Variants in CSMD3 observed in about 807,000 individuals in gnomAD.
The protein encoded by CSMD3 is CUB and sushi domain-containing protein 3.
CSMD3 carries 177 observed loss-of-function variants against 435.2 expected under a neutral mutation model. The ratio of observed to expected loss-of-function variants is 0.41; its 90% CI spans 0.36 to 0.46. CSMD3 has a LOEUF of 0.46. CSMD3 is among the 20% of genes least tolerant of loss of function. CSMD3 has a pLI of 0.34. For synonymous variants in CSMD3, 1,656 were observed against 1,520.5 expected, an observed-to-expected ratio of 1.09 and a Z score of -2.07; for missense variants, 4,265 against 4,504.6, an observed-to-expected ratio of 0.95 and a Z score of 1.52.
intron 29 of CSMD3, among the ~76,000 whole-genome samples, chr8:112,505,473 T>A (rs1372315842): frequency 6.6e-6 from 1 of 152,118 alleles, no homozygotes; most frequent in East Asian, 1.9e-4. Context: ...GTTGGGAGAA[T>A]CACTAGAAAC....
chr8:112,575,790 T>A (rs1322326663), intron 23 of CSMD3, among the ~76,000 whole-genome samples: 1 of 152,110 alleles, frequency 6.6e-6, no homozygotes, highest in Non-Finnish European at 1.5e-5. Context: ...TGGCAAAATA[T>A]AACTTGTATG....
At chr8:113,152,397 A>G (rs1389847700) in intron 4 of CSMD3, among the ~76,000 whole-genome samples, 5 of 152,094 alleles carry the variant, frequency 3.3e-5, no homozygotes, top group African/African-American at 7.2e-5. Flanking sequence ...GGGGAGATGC[A>G]TAGAAATATG....
intron 3 of CSMD3, among the ~76,000 whole-genome samples, chr8:113,269,336 C>T (rs1376638305): frequency 6.6e-6 from 1 of 152,090 alleles, no homozygotes; most frequent in Non-Finnish European, 1.5e-5. Context: ...AAGAATATTC[C>T]ATGCTCATGG....
chr8:112,583,302 T>C (rs1244866284), intron 23 of CSMD3, among the ~76,000 whole-genome samples: 1 of 150,062 alleles, frequency 6.7e-6, no homozygotes, highest in Non-Finnish European at 1.5e-5. Flanking sequence ...TTTGGACTGG[T>C]GAACTTTGAA....
chr8:112,829,511 T>G (rs192949176), intron 12 of CSMD3, among the ~76,000 whole-genome samples, 175 bp downstream of exon 12: 50 of 152,288 alleles, frequency 3.3e-4, no homozygotes, highest in Admixed American at 3.0e-3. Context: ...ACAAAGTGCC[T>G]TAAATCTCAT....
At chr8:112,794,832 A>AT (rs1037956866) in intron 13 of CSMD3, among the ~76,000 whole-genome samples, 1 of 152,042 alleles carries the variant, frequency 6.6e-6, no homozygotes, top group Non-Finnish European at 1.5e-5. Flanking sequence ...TATCTTTATT[A>AT]TTTTTTTCAA....
At chr8:112,700,980 G>A (rs762260662) in intron 13 of CSMD3, among the ~76,000 whole-genome samples, 1 of 152,102 alleles carries the variant, frequency 6.6e-6, no homozygotes, top group African/African-American at 2.4e-5. Flanking sequence ...ACATTCAGCT[G>A]TGTTTCTTGT....
At chr8:112,589,719 C>A (rs1455413701) in intron 22 of CSMD3, among the ~76,000 whole-genome samples, 1 of 152,068 alleles carries the variant, frequency 6.6e-6, no homozygotes, top group African/African-American at 2.4e-5. Flanking sequence ...GAACAGCTAA[C>A]CACAAGAGAG....
Position 112,335,395 on chromosome 8 carries a change from T to G in CSMD3, c.7099A>C (p.Asn2367His), listed in dbSNP as rs751765708. The G allele has an allele frequency of 6.2e-7, 1 of 1,613,986 alleles. No homozygotes were observed. The highest frequency in any genetic ancestry group is 1.7e-5 in the Admixed American group (1 of 60,010). ...CTGTGGAATTTGATTAGAATCTGAT[T>G]TGAAGTACTGTAGACTGATTCCAAA... ...TALESVYSTSNQILIKFHSDF... is the reference protein window; with the variant it reads ...TALESVYSTSHQILIKFHSDF... The change falls in exon 45 of 71, where the codon AAT becomes CAT. Residue 2367 changes from asparagine to histidine, a missense_variant. Coordinates refer to ENST00000297405, the MANE Select transcript of CSMD3 (RefSeq NM_198123.2).
chr8:112,456,074 C>T (rs555777588), intron 32 of CSMD3, among the ~76,000 whole-genome samples: 2 of 151,946 alleles, frequency 1.3e-5, no homozygotes, highest in African/African-American at 2.4e-5. Context: ...CCAGACAACA[C>T]ATAATTTCCT....
intron 2 of CSMD3, among the ~76,000 whole-genome samples, chr8:113,292,262 A>G (rs2093691570): frequency 6.6e-6 from 1 of 151,734 alleles, no homozygotes; most frequent in South Asian, 2.1e-4. Flanking sequence ...AAGTTATTGA[A>G]TTTCTGAAAG....
rs1291274302 is a variant in CSMD3 at position 113,435,193 on chromosome 8, G to A, written c.178+1484C>T. On this transcript the variant is annotated intron_variant, in intron 1 of 70. Transcript: ENST00000297405. Reference sequence around the variant, plus strand: ...TTTGGCAGTGTAGTTGTGCCACTTAGGACAAGCTTTTCGGCTCAGAGCTGC... The same window carrying A: ...TTTGGCAGTGTAGTTGTGCCACTTAAGACAAGCTTTTCGGCTCAGAGCTGC... Among the ~76,000 whole-genome samples, 5 of 152,140 alleles carry A rather than the reference G, an allele frequency of 3.3e-5. No individual in the cohort carries two copies. The Middle Eastern group carries it at 9.5e-3, about 289-fold the overall frequency.
At chr8:113,033,732 G>C (rs1189586104) in intron 5 of CSMD3, among the ~76,000 whole-genome samples, 1 of 151,260 alleles carries the variant, frequency 6.6e-6, no homozygotes, top group Non-Finnish European at 1.5e-5. Flanking sequence ...AGGCATTATT[G>C]GTTTTGAAAT....
intron 13 of CSMD3, among the ~76,000 whole-genome samples, chr8:112,791,683 AC>A (rs2078696804): frequency 3.9e-5 from 6 of 152,156 alleles, no homozygotes; most frequent in African/African-American, 1.2e-4. Context: ...TAAAAAATCT[AC>A]TATGTATATT....
chr8:112,973,462 T>A (rs2084734370), intron 7 of CSMD3, among the ~76,000 whole-genome samples: 1 of 151,884 alleles, frequency 6.6e-6, no homozygotes. Flanking sequence ...TCTATTGCAA[T>A]GTCCTGCAGG....
At chr8:113,311,664 T>A (rs2093870099) in intron 2 of CSMD3, 1 of 152,136 alleles carries the variant, frequency 6.6e-6, no homozygotes, top group Admixed American at 6.5e-5. Flanking sequence ...CAGTTTCGAC[T>A]TCTAATCAAA....
chr8:112,523,226 AG>A (rs1342097476), intron 27 of CSMD3, among the ~76,000 whole-genome samples: 1 of 151,952 alleles, frequency 6.6e-6, no homozygotes, highest in African/African-American at 2.4e-5. Context: ...TATTAAGAAA[AG>A]ATATTAATCC....
At chr8:112,753,725 A>G (rs892399633) in intron 13 of CSMD3, among the ~76,000 whole-genome samples, 1 of 152,208 alleles carries the variant, frequency 6.6e-6, no homozygotes, top group African/African-American at 2.4e-5. Context: ...ACCATAGGAA[A>G]TGCCTGTACA....
intron 5 of CSMD3, among the ~76,000 whole-genome samples, chr8:113,049,330 G>C (rs1412422287): frequency 6.6e-6 from 1 of 151,614 alleles, no homozygotes; most frequent in Non-Finnish European, 1.5e-5. Context: ...AGCAAACAAA[G>C]TGCCCAGGGG....
Sources: allele counts gnomAD v4.1 joint callset (sites outside exome capture counted in the v4.1 genomes callset), GRCh38; gene constraint gnomAD v4.1.1; transcripts MANE v1.5; gene names NCBI Gene and HGNC (gene_info 2026-07-23, HGNC 2026-07-21).